Variants in RAP1GAP2 observed in about 807,000 individuals in gnomAD.
The protein encoded by RAP1GAP2 is rap1 GTPase-activating protein 2.
In RAP1GAP2, 27 loss-of-function variants were observed where a neutral mutation model predicts 95.0. That is an observed-to-expected ratio of 0.28 (90% CI 0.21 to 0.39). The LOEUF is 0.39. Ranked by LOEUF, RAP1GAP2 falls within the 10% of genes least tolerant of loss-of-function variation. RAP1GAP2 has a pLI of 1.00. For synonymous variants in RAP1GAP2, 373 were observed against 380.9 expected (o/e 0.98, Z 0.24); for missense variants, 771 against 970.0 (o/e 0.79, Z 2.72).
intron 1 of RAP1GAP2, among the ~76,000 whole-genome samples, chr17:2,777,860 C>T (rs1370110436): frequency 6.6e-6 from 1 of 152,122 alleles, no homozygotes; most frequent in Non-Finnish European, 1.5e-5. Context: ...CCCTCAAGCC[C>T]TATACGCCTC....
intron 8 of RAP1GAP2, among the ~76,000 whole-genome samples, chr17:2,968,212 G>C (rs1397562583): frequency 6.6e-6 from 1 of 152,168 alleles, no homozygotes; most frequent in African/African-American, 2.4e-5. Context: ...GGAGGAAACA[G>C]TTGCTGGTTA....
rs1354666406 is a variant in RAP1GAP2, at chr17:3,003,749, CT to C, written c.1201-1619del. ...AGGTGGGGCTGTGTTCAGGCAACTT[CT>C]GCTTTCAGTCCAGTGACCCAGATGT... On this transcript the variant is annotated intron_variant, in intron 14 of 24. Coordinates refer to ENST00000254695, the MANE Select transcript of RAP1GAP2 (RefSeq NM_015085.5). The surrounding 1 kb of genome is among the most constrained non-coding windows in gnomAD (Gnocchi z 4.1). Among the ~76,000 whole-genome samples the C allele has an allele frequency of 1.2e-4, 18 of 152,330 alleles. No homozygotes were observed. Among genetic ancestry groups the C allele is most frequent in the African/African-American group, 4.1e-4 (17 of 41,564 alleles).
chr17:2,758,181 C>CCCCTT (rs1555537910), intron 1 of RAP1GAP2, among the ~76,000 whole-genome samples: 1 of 124,148 alleles, frequency 8.1e-6, no homozygotes, highest in African/African-American at 3.1e-5. Context: ...GCCCCCCCCC[C>CCCCTT]TTTTTTTTTT....
chr17:2,785,899 C>CTTTT lies in RAP1GAP2; in HGVS notation c.-14+8638_-14+8641dup, dbSNP rs386385450. 1.2e-3 allele frequency among the ~76,000 whole-genome samples: 142 copies of CTTTT among 119,904 alleles called. 2 individuals are homozygous for CTTTT. The highest frequency in any genetic ancestry group is 3.8e-3 in the African/African-American group (118 of 31,008). The allele number at this position is 119,904 out of a possible 152,430, so 78.7% of individuals were successfully genotyped here. A position where few individuals can be genotyped will look rare whatever the true frequency, so the allele number is the denominator to read the frequency against. ...AGATGAAAGGAAGTAAAAAGTATGA[C>CTTTT]TTTTTTTTTTTTTTTTTTTTAGACA... On this transcript the variant is annotated intron_variant, in intron 1 of 24. Coordinates refer to the RAP1GAP2 transcript ENST00000540393.
In RAP1GAP2 at chr17:2,857,558, C is replaced by T. The variant is rs192586933; in HGVS notation, c.81-47726C>T. Among the ~76,000 whole-genome samples the T allele has an allele frequency of 5.6e-4, 85 of 152,266 alleles. No individual in the cohort carries two copies. The highest frequency in any genetic ancestry group is 1.9e-3 in the African/African-American group (81 of 41,540). ...GCCTGGAGGTTATGCCTTTTTCTGCCCATCTTTCAGGGTTTCTGGCACATG... is the reference window on the plus strand; with the variant it reads ...GCCTGGAGGTTATGCCTTTTTCTGCTCATCTTTCAGGGTTTCTGGCACATG... On this transcript the variant is annotated intron_variant, in intron 2 of 24. Transcript: ENST00000254695. The surrounding 1 kb of genome is among the most constrained non-coding windows in gnomAD (Gnocchi z 4.0).
intron 2 of RAP1GAP2, among the ~76,000 whole-genome samples, chr17:2,890,685 C>CTT (rs374485374): frequency 4.9e-4 from 67 of 136,192 alleles, no homozygotes; most frequent in Middle Eastern, 3.9e-3. Flanking sequence ...TCAGTGTTTA[C>CTT]TTTTTTTTTT....
At chr17:3,032,842 G>C (rs901452720) in intron 24 of RAP1GAP2, among the ~76,000 whole-genome samples, 4 of 152,196 alleles carry the variant, frequency 2.6e-5, no homozygotes, top group African/African-American at 7.2e-5. Flanking sequence ...CCTGGGCTGA[G>C]GTGTGTTCTC....
intron 3 of RAP1GAP2, among the ~76,000 whole-genome samples, chr17:2,951,898 G>C (rs545373043): frequency 1.3e-5 from 2 of 152,106 alleles, no homozygotes; most frequent in Non-Finnish European, 2.9e-5. Context: ...ACTGGGTTTG[G>C]TGGTGGGCGC....
chr17:2,869,428 G>A (rs775858886), intron 2 of RAP1GAP2, among the ~76,000 whole-genome samples: 6 of 151,290 alleles, frequency 4.0e-5, no homozygotes, highest in Non-Finnish European at 8.8e-5. Context: ...CTTAAAAAGG[G>A]GTAAAATGAT....
At chr17:2,959,776 G>A (rs1293280649) in intron 4 of RAP1GAP2, among the ~76,000 whole-genome samples, 7 of 152,128 alleles carry the variant, frequency 4.6e-5, no homozygotes, top group African/African-American at 1.4e-4. Flanking sequence ...CAGTCAAGTC[G>A]GTTTCCCCTT....
In RAP1GAP2 at chr17:2,796,672, G is replaced by A. The variant is rs1340566274; in HGVS notation, c.44+101G>A. On this transcript the variant is annotated intron_variant, in intron 1 of 24. Coordinates refer to ENST00000254695, the MANE Select transcript of RAP1GAP2 (RefSeq NM_015085.5). The surrounding 1 kb of genome is among the most constrained non-coding windows in gnomAD (Gnocchi z 4.7). ...CCGTGGGAACAGAGGGGCTCGGGCT[G>A]TGCCTGAGAGCTGGGTCTGCTGACG... 5.9e-6 allele frequency: 8 copies of A among 1,357,364 alleles called. No homozygotes were observed. The highest frequency in any genetic ancestry group is 2.0e-5 in the Admixed American group (1 of 50,462). 84.1% of individuals were successfully genotyped at this position (1,357,364 alleles called of 1,614,324 possible).
chr17:3,010,124 G>A (rs1181579370), intron 17 of RAP1GAP2, among the ~76,000 whole-genome samples: 1 of 151,990 alleles, frequency 6.6e-6, no homozygotes, highest in Non-Finnish European at 1.5e-5. Flanking sequence ...GGCGGATCAC[G>A]AGGTCAGGAG....
intron 5 of RAP1GAP2, 111 bp downstream of exon 5, chr17:2,962,825 A>G (rs2044397451): frequency 2.8e-6 from 3 of 1,058,692 alleles, no homozygotes; most frequent in Admixed American, 3.0e-5. Flanking sequence ...ACACCTGTCT[A>G]ACTCTGACTC....
chr17:2,767,995 G>A (rs900124035), intron 1 of RAP1GAP2, among the ~76,000 whole-genome samples: 2 of 152,120 alleles, frequency 1.3e-5, no homozygotes, highest in East Asian at 1.9e-4. Flanking sequence ...GCCTCCCAAA[G>A]TGCTGGGATT....
intron 12 of RAP1GAP2, among the ~76,000 whole-genome samples, chr17:2,994,250 A>G (rs1279813005): frequency 6.6e-6 from 1 of 152,226 alleles, no homozygotes; most frequent in Admixed American, 6.5e-5. Flanking sequence ...TCTTTCTGCC[A>G]TGCCAGCCTG....
At chr17:2,812,171 A>T (rs1202399192) in intron 2 of RAP1GAP2, among the ~76,000 whole-genome samples, 1 of 152,136 alleles carries the variant, frequency 6.6e-6, no homozygotes, top group African/African-American at 2.4e-5. Flanking sequence ...CTGACTCCCA[A>T]GTCCCTCTCC....
At chr17:2,897,227 G>A (rs1459696191) in intron 2 of RAP1GAP2, among the ~76,000 whole-genome samples, 1 of 151,872 alleles carries the variant, frequency 6.6e-6, no homozygotes, top group Non-Finnish European at 1.5e-5. Context: ...AATCCAAGCT[G>A]CTTGGGAGGC....
At position 3,016,755 on chromosome 17, in the gene RAP1GAP2, T is replaced by C. The variant is rs17822338; in HGVS notation, c.1495-1306T>C. On this transcript the variant is annotated intron_variant, in intron 17 of 24. Transcript: ENST00000254695. ...CTGTCTCCTCAGAGCCCTGTGTGTATTCTCACAACTACTCTGTGGTGTAGA... is the reference window on the plus strand; with the variant it reads ...CTGTCTCCTCAGAGCCCTGTGTGTACTCTCACAACTACTCTGTGGTGTAGA... Among the ~76,000 whole-genome samples the C allele has an allele frequency of 5.6e-3, 847 of 152,350 alleles. 24 individuals carry two copies. The East Asian group carries it at 0.094, about 17-fold the overall frequency.
chr17:2,978,017 A>G (rs544379887), intron 8 of RAP1GAP2, among the ~76,000 whole-genome samples: 1 of 152,122 alleles, frequency 6.6e-6, no homozygotes, highest in Non-Finnish European at 1.5e-5. Context: ...ATCTGTTTAT[A>G]TCTTTCACCC....
Sources: gnomAD v4.1 joint callset for allele counts (sites outside exome capture counted in the v4.1 genomes callset) on GRCh38, gnomAD v4.1.1 for gene constraint, Gnocchi (gnomAD v3.1) non-coding constraint, MANE v1.5 for transcripts, NCBI Gene and HGNC (gene_info 2026-07-23, HGNC 2026-07-21) for gene names.